The following DLGAP2 variants were observed in gnomAD, a reference collection of about 807,000 sequenced individuals.
DLGAP2 encodes the protein DLG associated protein 2.
Under a neutral mutation model 100.3 loss-of-function variants are expected in DLGAP2, and 26 were observed. The ratio of observed to expected loss-of-function variants is 0.26; its 90% CI spans 0.19 to 0.36. The LOEUF is 0.36. DLGAP2 is among the 10% of genes least tolerant of loss of function. DLGAP2 has a pLI of 1.00. For missense variants in DLGAP2, 1,858 were observed against 1,453.2 expected, an observed-to-expected ratio of 1.28 and a Z score of -4.53; for synonymous variants, 886 against 630.1, an observed-to-expected ratio of 1.41 and a Z score of -6.08.
intron 3 of DLGAP2, among the ~76,000 whole-genome samples, chr8:1,270,552 C>T (rs1313185805): frequency 1.3e-5 from 2 of 152,194 alleles, no homozygotes; most frequent in Non-Finnish European, 2.9e-5. Context: ...GAAGCAGGCA[C>T]CACTGTCTTA....
At chr8:1,339,514 C>T (rs2117078573) in intron 3 of DLGAP2, among the ~76,000 whole-genome samples, 1 of 151,054 alleles carries the variant, frequency 6.6e-6, no homozygotes, top group Non-Finnish European at 1.5e-5. Flanking sequence ...GCACTGTCCC[C>T]TGACACCCCC....
chr8:1,090,501 T>G (rs541968773), intron 2 of DLGAP2, among the ~76,000 whole-genome samples: 1 of 152,378 alleles, frequency 6.6e-6, no homozygotes, highest in Admixed American at 6.5e-5. Context: ...CACAGGCATG[T>G]GCACAGATGC....
intron 2 of DLGAP2, among the ~76,000 whole-genome samples, chr8:1,176,601 CAGG>C (rs371393964): frequency 0.62 from 93,287 of 151,582 alleles, 28,733 homozygotes; most frequent in Admixed American, 0.67. Flanking sequence ...CAGTGCACGA[CAGG>C]GGTCGTGTTT....
chr8:1,001,287 G>C (rs1169176280), intron 2 of DLGAP2, among the ~76,000 whole-genome samples: 1 of 152,180 alleles, frequency 6.6e-6, no homozygotes, highest in Non-Finnish European at 1.5e-5. Context: ...AGAAGCCTGA[G>C]AACTTGACAT....
At chr8:1,194,164 G>A (rs1797700927) in intron 2 of DLGAP2, among the ~76,000 whole-genome samples, 1 of 152,078 alleles carries the variant, frequency 6.6e-6, no homozygotes, top group Non-Finnish European at 1.5e-5. Flanking sequence ...GAGGGGCGGG[G>A]GAATTTTAAA....
At chr8:1,067,662 GCA>G (rs1563173973) in intron 2 of DLGAP2, among the ~76,000 whole-genome samples, 1 of 143,666 alleles carries the variant, frequency 7.0e-6, no homozygotes, top group African/African-American at 2.6e-5. Context: ...AATATTTTTA[GCA>G]CAGTTTTAGG....
intron 2 of DLGAP2, among the ~76,000 whole-genome samples, chr8:1,179,488 G>T (rs887458437): frequency 5.9e-5 from 9 of 152,220 alleles, no homozygotes; most frequent in African/African-American, 2.2e-4. Context: ...TGCAAGAGAC[G>T]TGGCTGCCCC....
At chr8:1,264,841 G>C (rs554561307) in intron 3 of DLGAP2, among the ~76,000 whole-genome samples, 33 of 152,280 alleles carry the variant, frequency 2.2e-4, no homozygotes, top group African/African-American at 7.9e-4. Context: ...CCCAGTGGGA[G>C]GTAATTGAAT....
intron 1 of DLGAP2, among the ~76,000 whole-genome samples, chr8:906,678 C>G (rs568840405): frequency 6.6e-6 from 1 of 152,156 alleles, no homozygotes; most frequent in African/African-American, 2.4e-5. Flanking sequence ...GCACCTGACC[C>G]CATGGTTATC....
chr8:1,547,405 G>C (rs1484426711), intron 4 of DLGAP2, among the ~76,000 whole-genome samples: 2 of 152,110 alleles, frequency 1.3e-5, no homozygotes, highest in African/African-American at 2.4e-5. Flanking sequence ...GCTGTGTCTG[G>C]GTGGAGGCAG....
intron 4 of DLGAP2, among the ~76,000 whole-genome samples, chr8:1,529,123 C>T (rs772934217): frequency 1.2e-4 from 18 of 152,156 alleles, no homozygotes; most frequent in Admixed American, 2.0e-4. Context: ...CACAGTTCAG[C>T]ATGGCTGGTG....
chr8:892,106 A>ATGGAAGATGGGGCAGATGCTG (rs1394901133), intron 1 of DLGAP2, among the ~76,000 whole-genome samples: 1 of 152,180 alleles, frequency 6.6e-6, no homozygotes. Flanking sequence ...GCTGCTGGGA[A>ATGGAAGATGGGGCAGATGCTG]TGGAAGATGG....
intron 3 of DLGAP2, among the ~76,000 whole-genome samples, chr8:1,317,307 A>C (rs1800779758): frequency 7.3e-6 from 1 of 137,740 alleles, no homozygotes; most frequent in African/African-American, 2.8e-5. Flanking sequence ...GCAGCTTTTA[A>C]AAATAGAGGC....
intron 1 of DLGAP2, among the ~76,000 whole-genome samples, chr8:745,241 A>G: frequency 6.6e-6 from 1 of 152,230 alleles, no homozygotes; most frequent in East Asian, 1.9e-4. Flanking sequence ...ATTCTGAGCA[A>G]ATTTCCGAAC....
At chr8:1,377,278 C>T (rs1429407510) in intron 3 of DLGAP2, among the ~76,000 whole-genome samples, 1 of 152,226 alleles carries the variant, frequency 6.6e-6, no homozygotes, top group Non-Finnish European at 1.5e-5. Context: ...AGCGCAGTGG[C>T]TCACGCCTGT....
At chr8:1,628,960 G>A (rs1797578161) in intron 7 of DLGAP2, among the ~76,000 whole-genome samples, 1 of 152,228 alleles carries the variant, frequency 6.6e-6, no homozygotes, top group Admixed American at 6.5e-5. Flanking sequence ...AAAGAGTCCA[G>A]CATATACTGA....
intron 2 of DLGAP2, among the ~76,000 whole-genome samples, chr8:1,188,930 G>A (rs1474959177): frequency 6.6e-6 from 1 of 152,388 alleles, no homozygotes; most frequent in East Asian, 1.9e-4. Flanking sequence ...TTGTGGTGCG[G>A]CTTCCAGGCC....
intron 2 of DLGAP2, among the ~76,000 whole-genome samples, chr8:1,254,960 GTC>G (rs59026973): frequency 0.012 from 967 of 79,268 alleles, 108 homozygotes; most frequent in African/African-American, 0.064. Context: ...CTGTGTGTGT[GTC>G]CTCTCATCCT....
chr8:820,303 C>A (rs186808981), intron 1 of DLGAP2, among the ~76,000 whole-genome samples: 5 of 152,120 alleles, frequency 3.3e-5, no homozygotes, highest in Non-Finnish European at 5.9e-5. Flanking sequence ...TTGGGAAGAT[C>A]TTTTAAATCA....
Sources: gnomAD v4.1 joint callset for allele counts (sites outside exome capture counted in the v4.1 genomes callset) on GRCh38, gnomAD v4.1.1 for gene constraint, MANE v1.5 for transcripts, NCBI Gene and HGNC (gene_info 2026-07-23, HGNC 2026-07-21) for gene names.